The following CDC73 variants were observed in gnomAD, a reference collection of about 807,000 sequenced individuals.
CDC73 encodes parafibromin.
A neutral mutation model predicts 83.7 loss-of-function variants in CDC73; 21 were observed. That is an observed-to-expected ratio of 0.25 (90% CI 0.18 to 0.36). CDC73 has a LOEUF of 0.36. Ranked by LOEUF, CDC73 falls within the 10% of genes least tolerant of loss-of-function variation. The pLI is 1.00. For missense variants in CDC73, 342 were observed against 653.3 expected, an observed-to-expected ratio of 0.52 and a Z score of 5.19; for synonymous variants, 224 against 212.9, an observed-to-expected ratio of 1.05 and a Z score of -0.45.
intron 13 of CDC73, among the ~76,000 whole-genome samples, chr1:193,220,778 A>G (rs766728285): frequency 1.3e-4 from 20 of 152,170 alleles, no homozygotes; most frequent in African/African-American, 3.4e-4. Flanking sequence ...TTTTGATTGC[A>G]TATGTCATCT....
At chr1:193,141,805 C>T (rs760153847) in intron 6 of CDC73, 45 bp from the exon 7 acceptor site, 15 of 1,192,446 alleles carry the variant, frequency 1.3e-5, no homozygotes, top group Admixed American at 3.7e-5. Context: ...ATGATACACT[C>T]CAGGAATGCC....
At chr1:193,165,794 C>T (rs1047461822) in intron 10 of CDC73, among the ~76,000 whole-genome samples, 9 of 152,206 alleles carry the variant, frequency 5.9e-5, no homozygotes, top group Admixed American at 5.9e-4. Context: ...GTTGAGGTCT[C>T]CACTGGTACA....
intron 11 of CDC73, among the ~76,000 whole-genome samples, chr1:193,208,715 G>T (rs1236060592): frequency 6.6e-6 from 1 of 151,864 alleles, no homozygotes; most frequent in African/African-American, 2.4e-5. Flanking sequence ...AGCCCTACAT[G>T]AATTGGTCTC....
chr1:193,181,388 G>A, intron 10 of CDC73: 1 of 1,613,992 alleles, frequency 6.2e-7, no homozygotes, highest in Non-Finnish European at 8.5e-7. Context: ...TATGTCACAG[G>A]GTTTTCTTTG....
At chr1:193,185,885 T>C (rs964983990) in intron 10 of CDC73, 6 of 152,142 alleles carry the variant, frequency 3.9e-5, no homozygotes, top group Admixed American at 3.9e-4. Context: ...AATTTTAAAA[T>C]CAGATATTAA....
chr1:193,182,839 A>G (rs992325923), intron 10 of CDC73, among the ~76,000 whole-genome samples: 3 of 152,100 alleles, frequency 2.0e-5, no homozygotes, highest in Admixed American at 6.6e-5. Flanking sequence ...TTTGAATTCC[A>G]TTAAAACAGG....
intron 10 of CDC73, among the ~76,000 whole-genome samples, chr1:193,167,457 GA>G: frequency 6.6e-6 from 1 of 152,126 alleles, no homozygotes; most frequent in South Asian, 2.1e-4. Context: ...CTTGACTTCT[GA>G]TTGACAATTG....
chr1:193,181,263 A>G (rs780961822), intron 10 of CDC73: 2 of 1,613,996 alleles, frequency 1.2e-6, no homozygotes, highest in South Asian at 1.1e-5. Context: ...GGTCTGTGTT[A>G]TTAGAGTTAG....
In CDC73 at chr1:193,165,533, C is replaced by T. The variant is rs1190469481; in HGVS notation, c.972+13089C>T. 4.6e-5 allele frequency among the ~76,000 whole-genome samples: 7 copies of T among 152,206 alleles called. 1 individual carries two copies. Among genetic ancestry groups the T allele is most frequent in the African/African-American group, 4.8e-5 (2 of 41,538 alleles). ...ATTCTGCTGTGACATATTTGAAAGACGTGAAGATACATACAGCATAAATGC... is the reference window on the plus strand; with the variant it reads ...ATTCTGCTGTGACATATTTGAAAGATGTGAAGATACATACAGCATAAATGC... On this transcript the variant is annotated intron_variant, in intron 10 of 16. Coordinates refer to ENST00000367435, the MANE Select transcript of CDC73 (RefSeq NM_024529.5).
At chr1:193,171,623 C>G (rs539507453) in intron 10 of CDC73, among the ~76,000 whole-genome samples, 4 of 152,238 alleles carry the variant, frequency 2.6e-5, no homozygotes, top group East Asian at 1.9e-4. Context: ...CTCCCTTGTT[C>G]TTCTTCTCTT....
At chr1:193,184,245 T>G (rs1186883099) in intron 10 of CDC73, among the ~76,000 whole-genome samples, 1 of 151,882 alleles carries the variant, frequency 6.6e-6, no homozygotes, top group Non-Finnish European at 1.5e-5. Context: ...CTTTAAAAAA[T>G]TCCTTATTAA....
At chr1:193,227,748 A>T (rs1458738578) in intron 13 of CDC73, among the ~76,000 whole-genome samples, 1 of 152,204 alleles carries the variant, frequency 6.6e-6, no homozygotes, top group African/African-American at 2.4e-5. Flanking sequence ...TGAATTTCAG[A>T]TGCATTTTTA....
chr1:193,163,151 T>G (rs10532998), intron 10 of CDC73, among the ~76,000 whole-genome samples: 2,584 of 39,784 alleles, frequency 0.065, 36 homozygotes, highest in South Asian at 0.27. Flanking sequence ...CTTTGTGGGG[T>G]TGTGTGTGTG....
At position 193,167,925 on chromosome 1, in the gene CDC73, A is replaced by G. The variant is rs146198177; in HGVS notation, c.972+15481A>G. On this transcript the variant is annotated intron_variant, in intron 10 of 16. Transcript: ENST00000367435. Reference sequence around the variant, plus strand: ...GCCCAGTCTTCAGTACAGTGGTGCAATCTTGGCTTACTGCAACCTCTGCCT... The same window carrying G: ...GCCCAGTCTTCAGTACAGTGGTGCAGTCTTGGCTTACTGCAACCTCTGCCT... Among the ~76,000 whole-genome samples the G allele has an allele frequency of 1.1e-4, 16 of 152,112 alleles. No homozygotes were observed. In the East Asian group the frequency reaches 1.7e-3, roughly 17 times the overall value.
In CDC73 at chr1:193,252,966, GAGAGGTATAAGT is replaced by G; in HGVS notation, c.*2258_*2269del. 4.3e-6 allele frequency: 1 copy of G among 231,764 alleles called. No homozygotes were observed. The highest frequency in any genetic ancestry group is 8.5e-6 in the Non-Finnish European group (1 of 117,098). 14.4% of individuals were successfully genotyped at this position (231,764 alleles called of 1,614,324 possible). A position where few individuals can be genotyped will look rare whatever the true frequency, so the allele number is the denominator to read the frequency against. ...AGAGTACAGAATTACAGGGAATGAA[GAGAGGTATAAGT>G]AGATATTTTAATGGAAATGAAGTAT... is the stretch of plus-strand genomic sequence containing the variant. On this transcript the variant is annotated 3_prime_UTR_variant, in exon 17 of 17. Coordinates refer to ENST00000367435, the MANE Select transcript of CDC73 (RefSeq NM_024529.5).
chr1:193,252,497 A>T lies in CDC73; in HGVS notation c.*1785A>T, dbSNP rs981703326. 7 of 229,776 alleles carry T rather than the reference A, an allele frequency of 3.0e-5. No individual in the cohort carries two copies. In the East Asian group the frequency reaches 3.7e-4, roughly 12 times the overall value. 14.2% of individuals were successfully genotyped at this position (229,776 alleles called of 1,614,324 possible). A position where few individuals can be genotyped will look rare whatever the true frequency, so the allele number is the denominator to read the frequency against. ...ATTTATGAACTTTACTTGAGACAGA[A>T]TATGGTTAAAATTAGGAACATCTAC... On this transcript the variant is annotated 3_prime_UTR_variant, in exon 17 of 17. Transcript: ENST00000367435.
At chr1:193,172,892 A>T (rs939800022) in intron 10 of CDC73, among the ~76,000 whole-genome samples, 1 of 152,240 alleles carries the variant, frequency 6.6e-6, no homozygotes, top group Non-Finnish European at 1.5e-5. Flanking sequence ...AGGCCCAGAC[A>T]ACTGACATAA....
chr1:193,152,337 A>G (rs1472745071), intron 9 of CDC73, 43 bp from the exon 10 acceptor site: 1 of 1,240,496 alleles, frequency 8.1e-7, no homozygotes, highest in Non-Finnish European at 1.2e-6. Context: ...CATAAGATAC[A>G]TGATCTATAA....
At chr1:193,219,279 A>C (rs921116663) in intron 13 of CDC73, among the ~76,000 whole-genome samples, 2 of 152,234 alleles carry the variant, frequency 1.3e-5, no homozygotes, top group African/African-American at 4.8e-5. Flanking sequence ...GGGAATGCTT[A>C]TGTGCTCCTG....
Sources: allele counts gnomAD v4.1 joint callset (sites outside exome capture counted in the v4.1 genomes callset), GRCh38; gene constraint gnomAD v4.1.1; transcripts MANE v1.5; gene names NCBI Gene and HGNC (gene_info 2026-07-23, HGNC 2026-07-21).